ZNF469: variants seen among roughly 807,000 people sequenced by gnomAD.
ZNF469 encodes the protein zinc finger protein 469.
ZNF469 carries 1 observed loss-of-function variant against 1.0 expected under a neutral mutation model. The ratio of observed to expected loss-of-function variants is 1.00; its 90% CI spans 0.35 to 4.73. ZNF469 has a LOEUF of 4.73. Among genes scored for constraint, ZNF469 ranks in the 30% most tolerant of loss-of-function variants. The pLI is 0.16. For missense variants in ZNF469, 6,100 were observed against 5,356.3 expected (o/e 1.14, Z -4.33); for synonymous variants, 2,703 against 2,363.4 (o/e 1.14, Z -4.17).
Position 88,436,957 on chromosome 16 carries a change from C to T in ZNF469, c.9487C>T (p.Leu3163=), listed in dbSNP as rs1906627848. ...CTCGCGGGAGCTGCTGCGGGGGCAC[C>T]TGCAGGAGAGGCACGCGCAGAGCAA... ...FGSRELLRGH[L]QERHAQSKAG... The change falls in exon 3 of 3, where the codon CTG becomes TTG. Residue 3163 remains leucine (L), a synonymous_variant. Coordinates refer to ENST00000565624, the MANE Select transcript of ZNF469 (RefSeq NM_001367624.2). 2.7e-6 allele frequency: 4 copies of T among 1,498,130 alleles called. No homozygotes were observed. The highest frequency in any genetic ancestry group is 1.3e-5 in the South Asian group (1 of 78,520). The allele number at this position is 1,498,130 out of a possible 1,614,324, so 92.8% of individuals were successfully genotyped here.
At chr16:88,146,535 T>A in the ZNF469 span, among the ~76,000 whole-genome samples, 1 of 151,536 alleles carries the variant, frequency 6.6e-6, no homozygotes, top group African/African-American at 2.4e-5. Context: ...CCCCGTGGGG[T>A]TTTCTGGGCT....
chr16:88,437,888 A>G lies in ZNF469; in HGVS notation c.10418A>G (p.Lys3473Arg). ...GCCCTCGAGGGCACACTGCCCAGCAAACGGCGCAGGGTGGCCATGCCCGGC... is the reference window on the plus strand; with the variant it reads ...GCCCTCGAGGGCACACTGCCCAGCAGACGGCGCAGGGTGGCCATGCCCGGC... ...ARALEGTLPS[K>R]RRRVAMPGSA... is the part of the protein sequence containing the mutation. Residue 3473 changes from lysine (K) to arginine (R), a missense_variant, in exon 3 of 3, where the codon AAA becomes AGA. Lys to Arg is a conservative substitution (Grantham distance 26). Transcript: ENST00000565624. 1 of 1,539,858 alleles carries G rather than the reference A, an allele frequency of 6.5e-7. No individual in the cohort carries two copies. Among genetic ancestry groups the G allele is most frequent in the Non-Finnish European group, 8.8e-7 (1 of 1,140,158 alleles).
In ZNF469 at chr16:88,427,581, C is replaced by T; in HGVS notation, c.111C>T (p.Asp37=). 1.3e-6 allele frequency: 2 copies of T among 1,537,348 alleles called. No individual in the cohort carries two copies. The highest frequency in any genetic ancestry group is 1.7e-6 in the Non-Finnish European group (2 of 1,146,528). The change falls in exon 3 of 3, where the codon GAC becomes GAT. Residue 37 remains aspartate (D), a synonymous_variant. Coordinates refer to ENST00000565624, the MANE Select transcript of ZNF469 (RefSeq NM_001367624.2). ...ACCCCTCCCAGCCGCCACTGGAGGA[C>T]AACACCCCAGCTACCAGGACCACCA... ...PGHPSQPPLE[D]NTPATRTTKG... is the part of the protein sequence containing the mutation.
chr16:88,363,381 C>G, the ZNF469 span, among the ~76,000 whole-genome samples: 7 of 152,292 alleles, frequency 4.6e-5, no homozygotes, highest in South Asian at 1.4e-3. Context: ...CTCCAGACAG[C>G]AAGCATTTAA....
At chr16:88,204,072 G>A in the ZNF469 span, among the ~76,000 whole-genome samples, 7 of 147,800 alleles carry the variant, frequency 4.7e-5, no homozygotes, top group Non-Finnish European at 1.0e-4. Flanking sequence ...AGCGGGAGGT[G>A]CCCGGTAACC....
chr16:88,413,698 G>A (rs1905235336), intron 1 of ZNF469, among the ~76,000 whole-genome samples: 1 of 152,216 alleles, frequency 6.6e-6, no homozygotes, highest in African/African-American at 2.4e-5. Flanking sequence ...GCTCTGAAAT[G>A]GGGTGACTGT....
chr16:88,412,504 G>A (rs1184648525), intron 1 of ZNF469, among the ~76,000 whole-genome samples: 1 of 152,208 alleles, frequency 6.6e-6, no homozygotes, highest in South Asian at 2.1e-4. Flanking sequence ...CTCCAATGGC[G>A]GTTCCAGAAA....
the ZNF469 span, among the ~76,000 whole-genome samples, chr16:88,207,716 C>T: frequency 6.1e-5 from 9 of 148,254 alleles, no homozygotes; most frequent in Non-Finnish European, 1.4e-4. Flanking sequence ...CTGGCTTCCT[C>T]GGCTTGTGGC....
At chr16:88,357,636 C>G in the ZNF469 span, among the ~76,000 whole-genome samples, 1,625 of 152,258 alleles carry the variant, frequency 0.011, 33 homozygotes, top group African/African-American at 0.036. Flanking sequence ...AGGGGGGGCC[C>G]GGGCTTGGTT....
the ZNF469 span, among the ~76,000 whole-genome samples, chr16:88,261,686 C>A: frequency 1.3e-5 from 2 of 152,128 alleles, no homozygotes; most frequent in African/African-American, 2.4e-5. This position sits in a 1 kb window ranked among gnomAD's most constrained non-coding sequence, Gnocchi z 6.0. Context: ...AGCCGCTCCT[C>A]CCCCAGCCCT....
chr16:88,247,536 GTGAATGAGTGAA>G, the ZNF469 span, among the ~76,000 whole-genome samples: 1 of 151,270 alleles, frequency 6.6e-6, no homozygotes, highest in African/African-American at 2.4e-5. Context: ...GAGTGAGTGA[GTGAATGAGTGAA>G]TGAATGAGTG....
chr16:88,232,545 ATCAT>A, the ZNF469 span, among the ~76,000 whole-genome samples: 1 of 152,216 alleles, frequency 6.6e-6, no homozygotes, highest in African/African-American at 2.4e-5. Context: ...CTTTGCGGAA[ATCAT>A]TCTTGTCCCA....
the ZNF469 span, among the ~76,000 whole-genome samples, chr16:88,106,822 G>A: frequency 6.6e-6 from 1 of 152,268 alleles, no homozygotes; most frequent in African/African-American, 2.4e-5. Context: ...CAGGCCAGGA[G>A]GTGAATTGAG....
At chr16:88,114,004 C>G in the ZNF469 span, among the ~76,000 whole-genome samples, 14 of 152,184 alleles carry the variant, frequency 9.2e-5, no homozygotes, top group Non-Finnish European at 2.1e-4. Context: ...CCATGATGTC[C>G]GGCGAGCACC....
the ZNF469 span, among the ~76,000 whole-genome samples, chr16:88,287,026 T>A: frequency 6.6e-6 from 1 of 152,218 alleles, no homozygotes; most frequent in African/African-American, 2.4e-5. Flanking sequence ...TGCTTTTATT[T>A]ACAGTTCTAC....
chr16:88,345,745 T>C, the ZNF469 span, among the ~76,000 whole-genome samples: 2 of 152,140 alleles, frequency 1.3e-5, no homozygotes, highest in East Asian at 3.9e-4. Flanking sequence ...TCTCCTCACG[T>C]GGATGGAACT....
the ZNF469 span, among the ~76,000 whole-genome samples, chr16:88,322,394 C>T: frequency 7.2e-5 from 11 of 152,250 alleles, no homozygotes; most frequent in Non-Finnish European, 1.0e-4. Context: ...CACCTGCTCT[C>T]GCGGTCTCGG....
Position 88,437,901 on chromosome 16 carries a change from G to A in ZNF469, c.10431G>A (p.Val3477=). The change falls in exon 3 of 3, where the codon GTG becomes GTA. Residue 3477 remains valine, a synonymous_variant. Transcript: ENST00000565624. ...EGTLPSKRRR[V]AMPGSAPGPG... ...CACTGCCCAGCAAACGGCGCAGGGT[G>A]GCCATGCCCGGCAGTGCCCCTGGGC... The A allele has an allele frequency of 6.5e-7, 1 of 1,539,898 alleles. No individual in the cohort carries two copies. The highest frequency in any genetic ancestry group is 1.2e-5 in the South Asian group (1 of 83,782).
chr16:88,265,601 C>G, the ZNF469 span, among the ~76,000 whole-genome samples: 171 of 152,226 alleles, frequency 1.1e-3, no homozygotes, highest in African/African-American at 4.0e-3. Flanking sequence ...CAGAGCCACA[C>G]CGTGTGGCTG....
Sources: gnomAD v4.1 joint callset for allele counts (sites outside exome capture counted in the v4.1 genomes callset) on GRCh38, gnomAD v4.1.1 for gene constraint, Gnocchi (gnomAD v3.1) non-coding constraint, MANE v1.5 for transcripts, NCBI Gene and HGNC (gene_info 2026-07-23, HGNC 2026-07-21) for gene names.